PLA2G4F: variants seen among roughly 807,000 people sequenced by gnomAD.
PLA2G4F encodes the protein phospholipase A2 group IVF, also known as cytosolic phospholipase A2 zeta.
Under a neutral mutation model 103.1 loss-of-function variants are expected in PLA2G4F, and 105 were observed. The observed-to-expected ratio is 1.02, with a 90% CI of 0.87 to 1.20. The LOEUF (loss-of-function observed/expected upper bound fraction) is 1.20. PLA2G4F is among the 50% of genes most tolerant of loss of function. The pLI is 0.00. For synonymous variants in PLA2G4F, 468 were observed against 441.1 expected, an observed-to-expected ratio of 1.06 and a Z score of -0.76; for missense variants, 1,155 against 1,075.9, an observed-to-expected ratio of 1.07 and a Z score of -1.03.
chr15:42,143,878 C>G (rs2048850128), intron 18 of PLA2G4F, 100 bp downstream of exon 18: 3 of 1,418,884 alleles, frequency 2.1e-6, no homozygotes, highest in Non-Finnish European at 2.9e-6. Flanking sequence ...ACACACCCAG[C>G]CAGTCCCCCT....
chr15:42,151,348 A>T, intron 7 of PLA2G4F: 2 of 985,158 alleles, frequency 2.0e-6, no homozygotes, highest in Middle Eastern at 1.0e-3. Context: ...CCCAGACTGG[A>T]AGATGAGGCC....
At chr15:42,153,088 G>A (rs2048976096) in intron 6 of PLA2G4F, among the ~76,000 whole-genome samples, 3 of 152,244 alleles carry the variant, frequency 2.0e-5, no homozygotes, top group Admixed American at 2.0e-4. Flanking sequence ...TGAGTAACGT[G>A]CTGTGTGGGA....
chr15:42,153,651 C>G lies in PLA2G4F; in HGVS notation c.460G>C (p.Glu154Gln). 2 of 1,614,170 alleles carry G rather than the reference C, an allele frequency of 1.2e-6. No homozygotes were observed. Among genetic ancestry groups the G allele is most frequent in the Non-Finnish European group, 1.7e-6 (2 of 1,180,020 alleles). Residue 154 changes from glutamate to glutamine, a missense_variant, in exon 5 of 20, where the codon GAG becomes CAG. Around this residue, in one of 3 missense-constraint regions of PLA2G4F, gnomAD observed 370 missense variants for 364.9 expected, o/e 1.01. Transcript: ENST00000397272. ...TCCAGAACAAATTCCACCTGCAGCT[C>G]TTGTGAATCCTACATGGAGGGGGAG... is the stretch of plus-strand genomic sequence containing the variant. ...TFPLNHQDSQ[E>Q]LQVEFVLEKS...
chr15:42,147,813 C>T (rs369155659), intron 11 of PLA2G4F, 51 bp from the exon 12 acceptor site: 34 of 1,605,514 alleles, frequency 2.1e-5, no homozygotes, highest in East Asian at 2.0e-4. Flanking sequence ...CCGTCATTGA[C>T]GTATTACTGC....
intron 11 of PLA2G4F, chr15:42,149,398 C>T (rs185653516): frequency 1.7e-4 from 135 of 793,070 alleles, no homozygotes; most frequent in Non-Finnish European, 2.0e-4. Context: ...AGAGGGAACC[C>T]AGCAGAAACC....
chr15:42,147,601 T>C (rs2048907129), intron 12 of PLA2G4F, 25 bp downstream of exon 12: 1 of 1,612,602 alleles, frequency 6.2e-7, no homozygotes, highest in South Asian at 1.1e-5. Flanking sequence ...TCCTTTACCC[T>C]GTGCCCTGCC....
intron 18 of PLA2G4F, among the ~76,000 whole-genome samples, chr15:42,143,444 C>T (rs1445063715): frequency 6.6e-6 from 1 of 152,170 alleles, no homozygotes; most frequent in Non-Finnish European, 1.5e-5. Flanking sequence ...ATCCCAGGCT[C>T]TCACTGGACC....
At chr15:42,147,523 A>T in intron 12 of PLA2G4F, 103 bp downstream of exon 12, 1 of 1,443,166 alleles carries the variant, frequency 6.9e-7, no homozygotes, top group Non-Finnish European at 9.5e-7. Flanking sequence ...ACACCCTGGG[A>T]GGCAGGATCC....
chr15:42,150,296 G>A (rs2048942474), intron 9 of PLA2G4F, 77 bp downstream of exon 9: 1 of 1,533,184 alleles, frequency 6.5e-7, no homozygotes, highest in Non-Finnish European at 8.9e-7. Flanking sequence ...CCACCCTCTT[G>A]GGTCCCTCCT....
intron 19 of PLA2G4F, 73 bp from the exon 20 acceptor site, chr15:42,142,277 C>T: frequency 7.1e-7 from 1 of 1,409,892 alleles, no homozygotes; most frequent in Non-Finnish European, 9.6e-7. Context: ...GCCCAGAAGT[C>T]TTCCTTGTGC....
At position 42,147,305 on chromosome 15, in the gene PLA2G4F, A is replaced by T. The variant is rs145422765; in HGVS notation, c.1238T>A (p.Val413Glu). 1.2e-4 allele frequency: 199 copies of T among 1,610,084 alleles called. No individual in the cohort carries two copies. The African/African-American group carries it at 1.3e-3, about 10-fold the overall frequency. The change falls in exon 13 of 20, where the codon GTG (valine) becomes GAG (glutamate). Residue 413 changes from valine (V) to glutamate (E), a missense_variant. Val to Glu is a moderately radical substitution (Grantham distance 121). Around this residue, in one of 3 missense-constraint regions of PLA2G4F, gnomAD observed 782 missense variants for 692.9 expected, o/e 1.13. Transcript: ENST00000397272. ...TLYRDPAWSQ[V>E]ALQGPIERAQ... ...ACGCTCAATGGGGCCCTGCAAGGCC[A>T]CCTGGGACCAGGCTGGGTCCCTGTA...
At position 42,147,120 on chromosome 15, in the gene PLA2G4F, T is replaced by C. The variant is rs1253583934; in HGVS notation, c.1419+4A>G. The C allele has an allele frequency of 1.9e-6, 3 of 1,610,594 alleles. No individual in the cohort carries two copies. Among genetic ancestry groups the C allele is most frequent in the South Asian group, 2.2e-5 (2 of 91,028 alleles). On this transcript the variant is annotated splice_donor_region_variant and intron_variant, in intron 13 of 19. Transcript: ENST00000397272. The stretch of plus-strand genomic sequence containing the variant: ...TACGTATTTCCTTCTGGCTCTTCTC[T>C]CACCTCCTGGTACAGGAGATACTCA...
rs756978853 is a variant in PLA2G4F, at chr15:42,145,629, C to A, written c.1726G>T (p.Ala576Ser). The change falls in exon 16 of 20, where the codon GCC becomes TCC. Residue 576 changes from alanine to serine, a missense_variant. Transcript: ENST00000397272. ...TSLDEIFLKTAGSGLSFLEWY... is the reference protein window; with the variant it reads ...TSLDEIFLKTSGSGLSFLEWY... Reference sequence around the variant, plus strand: ...TCCAGGAAGCTGAGGCCCGAGCCGGCGGTCTTTAGGAAGATCTCATCCAGG... The same window carrying A: ...TCCAGGAAGCTGAGGCCCGAGCCGGAGGTCTTTAGGAAGATCTCATCCAGG... 1 of 1,614,122 alleles carries A rather than the reference C, an allele frequency of 6.2e-7. No individual in the cohort carries two copies. The highest frequency in any genetic ancestry group is 1.1e-5 in the South Asian group (1 of 91,078).
In PLA2G4F at chr15:42,155,514, C is replaced by T. The variant is rs375018327; in HGVS notation, c.184+3G>A. The T allele has an allele frequency of 1.2e-6, 2 of 1,613,888 alleles. No individual in the cohort carries two copies. The highest frequency in any genetic ancestry group is 2.7e-5 in the African/African-American group (2 of 74,936). ...AGAGAAGGATGGAGATGGGGTCACT[C>T]ACGCAGGTCTGTGCCCCGGATGTTT... is the stretch of plus-strand genomic sequence containing the variant. On this transcript the variant is annotated splice_donor_region_variant and intron_variant, in intron 2 of 19. Transcript: ENST00000397272.
Position 42,145,661 on chromosome 15 carries a change from G to A in PLA2G4F, c.1694C>T (p.Ala565Val). ...TAGGAAGATCTCATCCAGGCTGGTGGCAAAGGCGCTGCCCCACATACCTAA... is the reference window on the plus strand; with the variant it reads ...TAGGAAGATCTCATCCAGGCTGGTGACAAAGGCGCTGCCCCACATACCTAA... ...YLQGMWGSAF[A>V]TSLDEIFLKT... Residue 565 changes from alanine (A) to valine (V), a missense_variant, in exon 16 of 20, where the codon GCC becomes GTC. By Grantham distance (64) the Ala-to-Val change is moderately conservative. Transcript: ENST00000397272. The A allele has an allele frequency of 6.2e-7, 1 of 1,614,052 alleles. No homozygotes were observed. The highest frequency in any genetic ancestry group is 1.1e-5 in the South Asian group (1 of 91,076).
intron 3 of PLA2G4F, 47 bp from the exon 4 acceptor site, chr15:42,154,267 G>A: frequency 1.2e-6 from 2 of 1,613,188 alleles, no homozygotes; most frequent in Admixed American, 3.3e-5. Context: ...TAGGACAGGA[G>A]GGTAGCTGCC....
At chr15:42,148,058 C>T (rs2048913118) in intron 11 of PLA2G4F, among the ~76,000 whole-genome samples, 1 of 152,034 alleles carries the variant, frequency 6.6e-6, no homozygotes, top group African/African-American at 2.4e-5. Flanking sequence ...GGGCGCCTGC[C>T]TGTAGTCCCA....
chr15:42,146,677 T>C (rs1009496471), intron 13 of PLA2G4F: 26 of 215,848 alleles, frequency 1.2e-4, no homozygotes, highest in South Asian at 8.7e-5. Flanking sequence ...CCGAATCTTA[T>C]CGCCTGGAAC....
rs745689490 is a variant in PLA2G4F, at chr15:42,143,932, G to A, written c.2142+46C>T. ...CCTCCTCTCCTCCCTCACCCTTTCT[G>A]TCCACTCACTGCAGGTGCTCCCCAC... On this transcript the variant is annotated intron_variant, in intron 18 of 19. Transcript: ENST00000397272. 3.2e-6 allele frequency: 5 copies of A among 1,540,550 alleles called. No homozygotes were observed. In the South Asian group the frequency reaches 6.2e-5, roughly 19 times the overall value.
Sources: gnomAD v4.1 joint callset for allele counts (sites outside exome capture counted in the v4.1 genomes callset) on GRCh38, gnomAD v4.1.1 for gene constraint, gnomAD v4.1.1 regional missense constraint, MANE v1.5 for transcripts, NCBI Gene and HGNC (gene_info 2026-07-23, HGNC 2026-07-21) for gene names.